PLCG2: variants seen among roughly 807,000 people sequenced by gnomAD.
The protein encoded by PLCG2 is phospholipase C gamma 2.
A neutral mutation model predicts 175.6 loss-of-function variants in PLCG2; 69 were observed. That is an observed-to-expected ratio of 0.39 (90% CI 0.32 to 0.48). The LOEUF is 0.48. PLCG2 is among the 20% of genes least tolerant of loss of function. The probability of loss-of-function intolerance (pLI) is 0.91; values close to 1 mark genes in which losing one functional copy is unlikely to be tolerated. For synonymous variants in PLCG2, 827 were observed against 624.0 expected (o/e 1.33, Z -4.85); for missense variants, 1,798 against 1,650.9 (o/e 1.09, Z -1.54).
At chr16:81,941,771 A>C (rs1421005844) in intron 30 of PLCG2, among the ~76,000 whole-genome samples, 1 of 150,436 alleles carries the variant, frequency 6.6e-6, no homozygotes, top group African/African-American at 2.5e-5. Flanking sequence ...ATCTCGGCTC[A>C]CTGTAACCTC....
intron 2 of PLCG2, among the ~76,000 whole-genome samples, chr16:81,811,811 A>C (rs1187005030): frequency 1.3e-5 from 2 of 152,102 alleles, no homozygotes; most frequent in Admixed American, 6.5e-5. Context: ...GCTCTTGTGA[A>C]TAGTGCCGCA....
intron 2 of PLCG2, among the ~76,000 whole-genome samples, chr16:81,760,611 C>G (rs1383780120): frequency 1.3e-5 from 2 of 151,932 alleles, no homozygotes; most frequent in Non-Finnish European, 2.9e-5. Flanking sequence ...GCAGAGCCCA[C>G]TACATAATAC....
intron 22 of PLCG2, among the ~76,000 whole-genome samples, chr16:81,923,912 C>G (rs898881694): frequency 6.6e-6 from 1 of 152,174 alleles, no homozygotes; most frequent in African/African-American, 2.4e-5. Flanking sequence ...ATTGTCTAAC[C>G]AAATCTTCAA....
upstream of PLCG2, among the ~76,000 whole-genome samples, chr16:81,779,059 T>G (rs1910598288): frequency 6.6e-6 from 1 of 152,188 alleles, no homozygotes; most frequent in South Asian, 2.1e-4. Flanking sequence ...CCAAGTGGCC[T>G]CGGGCAGGTA....
chr16:81,927,980 G>A (rs553950127), intron 23 of PLCG2, among the ~76,000 whole-genome samples: 3 of 151,832 alleles, frequency 2.0e-5, no homozygotes, highest in South Asian at 2.1e-4. Flanking sequence ...GGTGCAGGGG[G>A]TGGGGTTTGG....
intron 31 of PLCG2, among the ~76,000 whole-genome samples, chr16:81,950,283 A>G (rs1428164738): frequency 6.6e-6 from 1 of 152,228 alleles, no homozygotes; most frequent in African/African-American, 2.4e-5. Context: ...GGGAAGGAAA[A>G]GTTAACATCA....
intron 2 of PLCG2, among the ~76,000 whole-genome samples, chr16:81,824,990 G>A (rs1567483693): frequency 6.6e-6 from 1 of 152,220 alleles, no homozygotes; most frequent in Non-Finnish European, 1.5e-5. Context: ...TTTGAAGGTG[G>A]AGGAAGGGGC....
chr16:81,778,432 C>T (rs1424060671), upstream of PLCG2, among the ~76,000 whole-genome samples: 3 of 152,182 alleles, frequency 2.0e-5, no homozygotes, highest in Non-Finnish European at 2.9e-5. Flanking sequence ...TGACAGCTGT[C>T]TAGGTGCCCC....
chr16:81,754,298 C>T lies in PLCG2; in HGVS notation c.-144-1572C>T, dbSNP rs550726027. 3.9e-3 allele frequency among the ~76,000 whole-genome samples: 504 copies of T among 129,992 alleles called. 4 individuals carry two copies. Among genetic ancestry groups the T allele is most frequent in the Non-Finnish European group, 6.6e-3 (395 of 60,042 alleles). The allele number at this position is 129,992 out of a possible 152,430, so 85.3% of individuals were successfully genotyped here. ...ATTCCCTCCCCTCCCCACCTCCTTC[C>T]CTCGCCTCCCCCACCTCCTTCCCCT... On this transcript the variant is annotated intron_variant, in intron 1 of 5. Coordinates refer to the PLCG2 transcript ENST00000565054.
In PLCG2 at chr16:81,862,553, CCTTTTTT is replaced by C. The variant is rs944165220; in HGVS notation, c.479+3405_479+3411del. Among the ~76,000 whole-genome samples, 29 of 152,264 alleles carry C rather than the reference CCTTTTTT, an allele frequency of 1.9e-4. No homozygotes were observed. In the East Asian group the frequency reaches 2.1e-3, roughly 11 times the overall value. Reference sequence around the variant, plus strand: ...TACTTTCCCCACTGGTGTTGCTTTTCCTTTTTTCTTTTTTCTTTTTTTAAATGTGCTA... The same window carrying C: ...TACTTTCCCCACTGGTGTTGCTTTTCCTTTTTTCTTTTTTTAAATGTGCTA... On this transcript the variant is annotated intron_variant, in intron 5 of 32. Transcript: ENST00000564138.
In PLCG2 at chr16:81,854,033, A is replaced by G. The variant is rs932956451; in HGVS notation, c.194-411A>G. On this transcript the variant is annotated intron_variant, in intron 2 of 32. Coordinates refer to ENST00000564138, the MANE Select transcript of PLCG2 (RefSeq NM_002661.5). Reference sequence around the variant, plus strand: ...GGAAAAGGTCATCAAGGTCAAGGTCAACCGGACAGTTGACCTTTAGGCTGC... The same window carrying G: ...GGAAAAGGTCATCAAGGTCAAGGTCGACCGGACAGTTGACCTTTAGGCTGC... Among the ~76,000 whole-genome samples, 3 of 152,292 alleles carry G rather than the reference A, an allele frequency of 2.0e-5. No individual in the cohort carries two copies. In the East Asian group the frequency reaches 5.8e-4, roughly 29 times the overall value.
intron 31 of PLCG2, among the ~76,000 whole-genome samples, chr16:81,955,160 C>T (rs1432326293): frequency 1.3e-5 from 2 of 152,218 alleles, no homozygotes; most frequent in African/African-American, 2.4e-5. Context: ...CCTTTGCAAA[C>T]AGCTGGAATA....
At chr16:81,888,829 G>A (rs939594592) in intron 9 of PLCG2, among the ~76,000 whole-genome samples, 3 of 152,156 alleles carry the variant, frequency 2.0e-5, no homozygotes, top group African/African-American at 7.2e-5. Context: ...CTGACCACTT[G>A]TTTTTATAAA....
intron 14 of PLCG2, among the ~76,000 whole-genome samples, chr16:81,904,619 C>A (rs1264431323): frequency 1.3e-5 from 2 of 152,224 alleles, no homozygotes; most frequent in Non-Finnish European, 2.9e-5. Flanking sequence ...CCTGCCTTTC[C>A]CTCTGTGTGC....
At chr16:81,783,126 G>A (rs531368044) in intron 1 of PLCG2, 18 of 492,198 alleles carry the variant, frequency 3.7e-5, no homozygotes, top group African/African-American at 1.9e-4. Context: ...CCTGGTTTCT[G>A]TCTAATTGAA....
chr16:81,845,795 G>A lies in PLCG2; in HGVS notation c.194-8649G>A, dbSNP rs558211462. On this transcript the variant is annotated intron_variant, in intron 2 of 32. Coordinates refer to ENST00000564138, the MANE Select transcript of PLCG2 (RefSeq NM_002661.5). ...GGAGATGTCAACAAAAATGCCCACC[G>A]ACCCCCTCAGACTTTGCTGAATACC... Among the ~76,000 whole-genome samples, 107 of 152,268 alleles carry A rather than the reference G, an allele frequency of 7.0e-4. No homozygotes were observed. The Middle Eastern group carries it at 0.014, about 19-fold the overall frequency.
chr16:81,900,529 G>C, intron 13 of PLCG2, 83 bp from the exon 14 acceptor site: 1 of 1,299,182 alleles, frequency 7.7e-7, no homozygotes, highest in South Asian at 1.6e-5. Flanking sequence ...TGTCGTCCCA[G>C]GGAGCTGCCC....
intron 5 of PLCG2, among the ~76,000 whole-genome samples, chr16:81,865,359 A>G (rs1473714788): frequency 6.6e-6 from 1 of 151,936 alleles, no homozygotes; most frequent in Non-Finnish European, 1.5e-5. Flanking sequence ...CACGACACAC[A>G]CACATCCAGA....
chr16:81,787,416 A>G (rs1911024208), intron 2 of PLCG2, among the ~76,000 whole-genome samples: 1 of 11,392 alleles, frequency 8.8e-5, no homozygotes. Context: ...TTTTTTGTAG[A>G]GATGGGATCT....
Sources: allele counts gnomAD v4.1 joint callset (sites outside exome capture counted in the v4.1 genomes callset), GRCh38; gene constraint gnomAD v4.1.1; transcripts MANE v1.5; gene names NCBI Gene and HGNC (gene_info 2026-07-23, HGNC 2026-07-21).